The following CRADD variants were observed in gnomAD, a reference collection of about 807,000 sequenced individuals.
CRADD encodes death domain-containing protein CRADD.
CRADD carries 9 observed loss-of-function variants against 15.5 expected under a neutral mutation model. The ratio of observed to expected loss-of-function variants is 0.58; its 90% CI spans 0.35 to 1.01. The LOEUF (loss-of-function observed/expected upper bound fraction) is 1.01. CRADD is among the 50% of genes least tolerant of loss of function. The pLI, the probability that CRADD is intolerant of heterozygous loss-of-function variation, is 0.02. For synonymous variants in CRADD, 118 were observed against 107.6 expected, an observed-to-expected ratio of 1.10 and a Z score of -0.60; for missense variants, 227 against 250.3, an observed-to-expected ratio of 0.91 and a Z score of 0.63.
intron 2 of CRADD, among the ~76,000 whole-genome samples, chr12:93,730,513 GAT>G (rs1171532964): frequency 4.6e-5 from 7 of 152,148 alleles, no homozygotes; most frequent in Non-Finnish European, 8.8e-5. Flanking sequence ...TACATTCTTT[GAT>G]ACAGTCTTTC....
At chr12:93,833,385 C>T (rs1957932140) in intron 2 of CRADD, among the ~76,000 whole-genome samples, 1 of 152,114 alleles carries the variant, frequency 6.6e-6, no homozygotes. Context: ...GTCACTCAGG[C>T]TGGAGTGCAG....
intron 2 of CRADD, among the ~76,000 whole-genome samples, chr12:93,770,384 A>T (rs1957074202): frequency 6.6e-6 from 1 of 152,070 alleles, no homozygotes; most frequent in East Asian, 1.9e-4. Flanking sequence ...AGCGTGAGCC[A>T]CCGCGCCCGG....
At chr12:93,701,372 GCTCCACAGTTACCAGAGGCCAAGGCTT>G (rs1955842505) in intron 2 of CRADD, among the ~76,000 whole-genome samples, 1 of 151,490 alleles carries the variant, frequency 6.6e-6, no homozygotes, top group African/African-American at 2.4e-5. Flanking sequence ...TGGTGTGACT[GCTCCACAGTTACCAGAGGCCAAGGCTT>G]CTTCTCTCTT....
chr12:93,692,176 C>T (rs1243008618), intron 2 of CRADD, among the ~76,000 whole-genome samples: 3 of 151,900 alleles, frequency 2.0e-5, no homozygotes, highest in Admixed American at 6.6e-5. Flanking sequence ...TTTAAAATTA[C>T]AGTTGGAGGA....
chr12:93,882,420 C>CAAAA (rs564407219), intron 2 of CRADD, among the ~76,000 whole-genome samples: 2 of 65,664 alleles, frequency 3.0e-5, no homozygotes, highest in Non-Finnish European at 3.3e-5. Flanking sequence ...GACTCTGTCT[C>CAAAA]AAAAAAAAAA....
At chr12:93,695,446 A>G (rs1296151752) in intron 2 of CRADD, among the ~76,000 whole-genome samples, 1 of 152,234 alleles carries the variant, frequency 6.6e-6, no homozygotes, top group Non-Finnish European at 1.5e-5. Flanking sequence ...AACAAATACA[A>G]TAGACAAATG....
intron 2 of CRADD, chr12:93,714,748 A>G (rs1385114346): frequency 6.6e-6 from 1 of 152,178 alleles, no homozygotes; most frequent in Non-Finnish European, 1.5e-5. Context: ...CTCAGCCCCT[A>G]CTGCGTCTGT....
chr12:93,796,595 G>A (rs1239316079), intron 2 of CRADD, among the ~76,000 whole-genome samples: 2 of 124,304 alleles, frequency 1.6e-5, no homozygotes, highest in East Asian at 3.3e-4. Flanking sequence ...CGAGCAAAAC[G>A]GTGTCAAAAA....
At chr12:93,679,368 C>T (rs1273336514) in intron 2 of CRADD, among the ~76,000 whole-genome samples, 5 of 152,120 alleles carry the variant, frequency 3.3e-5, no homozygotes, top group East Asian at 1.9e-4. Context: ...TCTCGAACTC[C>T]GTACCTCAGG....
chr12:93,811,269 A>C (rs1030243499), intron 2 of CRADD, among the ~76,000 whole-genome samples: 1 of 152,216 alleles, frequency 6.6e-6, no homozygotes, highest in Non-Finnish European at 1.5e-5. Flanking sequence ...TGCCAGATTC[A>C]CAGTGCCTTA....
intron 2 of CRADD, among the ~76,000 whole-genome samples, chr12:93,820,778 C>A (rs1957760958): frequency 1.3e-5 from 2 of 152,198 alleles, no homozygotes; most frequent in South Asian, 4.1e-4. Flanking sequence ...TGCCCCATTT[C>A]TCTCAGATAT....
At chr12:93,699,665 G>C (rs1363359989) in intron 2 of CRADD, among the ~76,000 whole-genome samples, 1 of 152,038 alleles carries the variant, frequency 6.6e-6, no homozygotes, top group Non-Finnish European at 1.5e-5. Flanking sequence ...GCTACGCCAG[G>C]GTATGAATTT....
At chr12:93,769,197 T>G (rs1957057430) in intron 2 of CRADD, among the ~76,000 whole-genome samples, 1 of 152,058 alleles carries the variant, frequency 6.6e-6, no homozygotes, top group East Asian at 1.9e-4. Context: ...CTCCCCCAAG[T>G]TAGCCGCCTG....
chr12:93,765,837 T>A (rs542483189), intron 2 of CRADD, among the ~76,000 whole-genome samples: 7 of 139,594 alleles, frequency 5.0e-5, no homozygotes, highest in Non-Finnish European at 1.1e-4. Flanking sequence ...AAGCTGAGAA[T>A]GTTTTATTAA....
At chr12:93,760,637 A>G (rs1956943583) in intron 2 of CRADD, among the ~76,000 whole-genome samples, 1 of 152,132 alleles carries the variant, frequency 6.6e-6, no homozygotes, top group African/African-American at 2.4e-5. Flanking sequence ...GCTTCTCAGT[A>G]GGAATTTACA....
At chr12:93,771,386 G>A (rs1033987739) in intron 2 of CRADD, among the ~76,000 whole-genome samples, 2 of 152,170 alleles carry the variant, frequency 1.3e-5, no homozygotes, top group Non-Finnish European at 2.9e-5. Context: ...CAGTGAACTA[G>A]TTTTCATCTG....
intron 2 of CRADD, among the ~76,000 whole-genome samples, chr12:93,740,889 G>A (rs1956655913): frequency 6.6e-6 from 1 of 151,976 alleles, no homozygotes; most frequent in South Asian, 2.1e-4. Flanking sequence ...TTTGACTTTC[G>A]GTTTTAAAAC....
chr12:93,814,329 G>A (rs1052637433), intron 2 of CRADD, among the ~76,000 whole-genome samples: 2 of 152,144 alleles, frequency 1.3e-5, no homozygotes, highest in Non-Finnish European at 2.9e-5. Flanking sequence ...GGGCGGGGGA[G>A]GTGGAGAGGA....
intron 2 of CRADD, among the ~76,000 whole-genome samples, chr12:93,787,205 A>T (rs542010221): frequency 6.7e-6 from 1 of 149,960 alleles, no homozygotes. Flanking sequence ...GGACTGGCCA[A>T]GAGTTGTTCA....
Sources: gnomAD v4.1 joint callset for allele counts (sites outside exome capture counted in the v4.1 genomes callset) on GRCh38, gnomAD v4.1.1 for gene constraint, MANE v1.5 for transcripts, NCBI Gene and HGNC (gene_info 2026-07-23, HGNC 2026-07-21) for gene names.